The following HDAC4 variants were observed in gnomAD, a reference collection of about 807,000 sequenced individuals.
The protein encoded by HDAC4 is histone deacetylase A.
Under a neutral mutation model 135.1 loss-of-function variants are expected in HDAC4, and 16 were observed. The ratio of observed to expected loss-of-function variants is 0.12; its 90% CI spans 0.08 to 0.18. The LOEUF is 0.18. Among genes scored for constraint, HDAC4 ranks in the 10% least tolerant of loss-of-function variants. The pLI is 1.00. For synonymous variants in HDAC4, 685 were observed against 653.4 expected (o/e 1.05, Z -0.74); for missense variants, 1,143 against 1,511.8 (o/e 0.76, Z 4.05).
intron 9 of HDAC4, among the ~76,000 whole-genome samples, chr2:239,137,812 G>A (rs1434562738): frequency 2.0e-5 from 3 of 152,194 alleles, no homozygotes; most frequent in Non-Finnish European, 1.5e-5. Flanking sequence ...TGCAAAGGCT[G>A]CCCGTGCCCA....
At chr2:239,300,089 T>G (rs1171861574) in intron 2 of HDAC4, among the ~76,000 whole-genome samples, 1 of 152,160 alleles carries the variant, frequency 6.6e-6, no homozygotes, top group Non-Finnish European at 1.5e-5. Context: ...AACACAGAAC[T>G]TCTCTTCCAG....
intron 3 of HDAC4, among the ~76,000 whole-genome samples, chr2:239,231,515 G>A (rs1327641537): frequency 2.0e-5 from 3 of 152,236 alleles, no homozygotes; most frequent in Admixed American, 2.0e-4. Flanking sequence ...GCAGCGCCAT[G>A]AGGGCCGTAA....
intron 3 of HDAC4, among the ~76,000 whole-genome samples, chr2:239,193,990 C>T (rs867827511): frequency 5.3e-5 from 8 of 152,214 alleles, no homozygotes; most frequent in African/African-American, 1.7e-4. Context: ...AACGCAGGCA[C>T]CTGGCCAGAT....
chr2:239,142,071 G>C (rs2041413527), intron 8 of HDAC4, among the ~76,000 whole-genome samples: 1 of 152,138 alleles, frequency 6.6e-6, no homozygotes, highest in Non-Finnish European at 1.5e-5. Context: ...CGTGCAGAGT[G>C]AGAGAACTCA....
intron 18 of HDAC4, among the ~76,000 whole-genome samples, chr2:239,087,980 C>T (rs3791376): frequency 0.24 from 36,219 of 152,106 alleles, 4,693 homozygotes; most frequent in Admixed American, 0.32. Flanking sequence ...GACCAGGACC[C>T]GCTAGGTGGC....
Position 239,054,848 on chromosome 2 carries a change from A to T in HDAC4, c.3004-15T>A. On this transcript the variant is annotated splice_polypyrimidine_tract_variant and intron_variant, in intron 24 of 26. Transcript: ENST00000543185. ...AGAGGATCAAGCTGGAAGAAAATGC[A>T]TAAGAATATAAAGACTGCCAATATA... The T allele has an allele frequency of 1.3e-6, 2 of 1,563,444 alleles. No individual in the cohort carries two copies. The highest frequency in any genetic ancestry group is 1.8e-6 in the Non-Finnish European group (2 of 1,133,734).
At chr2:239,177,556 C>T (rs1431011269) in intron 4 of HDAC4, among the ~76,000 whole-genome samples, 2 of 152,228 alleles carry the variant, frequency 1.3e-5, no homozygotes, top group Admixed American at 6.5e-5. Context: ...TGACTGTCTA[C>T]AGGGAAGGGC....
At chr2:239,263,255 G>T (rs113644416) in intron 2 of HDAC4, among the ~76,000 whole-genome samples, 2 of 149,850 alleles carry the variant, frequency 1.3e-5, no homozygotes, top group African/African-American at 4.9e-5. Context: ...CCCGAAGCCC[G>T]CCCTGAGGAC....
intron 3 of HDAC4, among the ~76,000 whole-genome samples, chr2:239,231,943 G>A (rs2047595062): frequency 7.0e-6 from 1 of 142,270 alleles, no homozygotes; most frequent in Non-Finnish European, 1.6e-5. Flanking sequence ...CTCCTCAATC[G>A]AGGCTGCTGA....
At chr2:239,083,977 A>G (rs1185129888) in intron 20 of HDAC4, among the ~76,000 whole-genome samples, 178 bp downstream of exon 20, 2 of 152,226 alleles carry the variant, frequency 1.3e-5, no homozygotes, top group African/African-American at 4.8e-5. Flanking sequence ...GGCTGACGGA[A>G]GCTGTACAAT....
At chr2:239,110,043 C>T (rs949845112) in intron 14 of HDAC4, among the ~76,000 whole-genome samples, 6 of 152,292 alleles carry the variant, frequency 3.9e-5, no homozygotes, top group Middle Eastern at 3.4e-3. Context: ...TGCACGGACA[C>T]GGGAAGATGG....
intron 2 of HDAC4, among the ~76,000 whole-genome samples, chr2:239,329,210 G>A (rs2125809105): frequency 6.6e-6 from 1 of 151,690 alleles, no homozygotes; most frequent in Non-Finnish European, 1.5e-5. Context: ...GAAGGACTCA[G>A]AAGGGGTCCA....
intron 12 of HDAC4, among the ~76,000 whole-genome samples, chr2:239,120,408 C>CACAG (rs1553622888): frequency 6.9e-6 from 1 of 144,972 alleles, no homozygotes; most frequent in Non-Finnish European, 1.5e-5. Flanking sequence ...CACAGACACA[C>CACAG]ACACACAGAC....
chr2:239,134,465 C>G, intron 10 of HDAC4, 22 bp from the exon 11 acceptor site: 1 of 1,613,794 alleles, frequency 6.2e-7, no homozygotes, highest in East Asian at 2.2e-5. Context: ...AGCCAGGATG[C>G]TCGGGTGGAA....
At chr2:239,350,461 A>T (rs898061479) in intron 2 of HDAC4, among the ~76,000 whole-genome samples, 3 of 152,156 alleles carry the variant, frequency 2.0e-5, no homozygotes, top group South Asian at 2.1e-4. Flanking sequence ...ACATATAAAG[A>T]AAGGATACAT....
rs997367758 is a variant in HDAC4 at position 239,052,221 on chromosome 2, G to A, written c.*876C>T. The A allele has an allele frequency of 6.6e-6, 1 of 152,310 alleles. No individual in the cohort carries two copies. Among genetic ancestry groups the A allele is most frequent in the African/African-American group, 2.4e-5 (1 of 41,428 alleles). 9.4% of individuals were successfully genotyped at this position (152,310 alleles called of 1,614,324 possible). A position where few individuals can be genotyped will look rare whatever the true frequency, so the allele number is the denominator to read the frequency against. On this transcript the variant is annotated 3_prime_UTR_variant, in exon 27 of 27. Transcript: ENST00000543185. ...GCAATAAAGCAAAACAGGGACCGCC[G>A]GGCTGCAGCCCCTGGCCCCGGAGAT... is the stretch of plus-strand genomic sequence containing the variant.
In HDAC4 at chr2:239,066,654, G is replaced by C. The variant is rs1302625992; in HGVS notation, c.3003+68C>G. On this transcript the variant is annotated intron_variant, in intron 24 of 26. Coordinates refer to ENST00000543185, the MANE Select transcript of HDAC4 (RefSeq NM_001378414.1). ...GCTTTTTCATGCTCTGGGGCTCTCG[G>C]GCAGCCAGGCCACAACCCCGAGCCT... is the stretch of plus-strand genomic sequence containing the variant. 2.5e-6 allele frequency: 4 copies of C among 1,609,566 alleles called. No homozygotes were observed. The East Asian group carries it at 8.9e-5, about 36-fold the overall frequency.
intron 23 of HDAC4, among the ~76,000 whole-genome samples, chr2:239,067,349 C>G (rs1273263041): frequency 6.6e-6 from 1 of 152,172 alleles, no homozygotes; most frequent in Non-Finnish European, 1.5e-5. Flanking sequence ...ATCACTCACC[C>G]CAGGAGGGAA....
chr2:239,358,467 C>T (rs997743473), intron 1 of HDAC4, among the ~76,000 whole-genome samples: 12 of 152,282 alleles, frequency 7.9e-5, no homozygotes, highest in Non-Finnish European at 1.5e-4. Context: ...GTCACAGTCC[C>T]GGAATCAATG....
Sources: gnomAD v4.1 joint callset for allele counts (sites outside exome capture counted in the v4.1 genomes callset) on GRCh38, gnomAD v4.1.1 for gene constraint, MANE v1.5 for transcripts, NCBI Gene and HGNC (gene_info 2026-07-23, HGNC 2026-07-21) for gene names.